Variants in LMBR1 observed in about 807,000 individuals in gnomAD.
LMBR1 encodes the protein limb region 1 protein homolog.
In LMBR1, 52 loss-of-function variants were observed where a neutral mutation model predicts 73.9. The observed-to-expected ratio is 0.70, with a 90% CI of 0.56 to 0.89. LMBR1 has a LOEUF of 0.89. LMBR1 is among the 40% of genes least tolerant of loss of function. LMBR1 has a pLI of 0.00. For missense variants in LMBR1, 539 were observed against 579.8 expected, an observed-to-expected ratio of 0.93 and a Z score of 0.72; for synonymous variants, 215 against 209.4, an observed-to-expected ratio of 1.03 and a Z score of -0.23.
chr7:156,875,664 C>T (rs891918523), intron 1 of LMBR1, among the ~76,000 whole-genome samples: 1 of 152,130 alleles, frequency 6.6e-6, no homozygotes, highest in African/African-American at 2.4e-5. Flanking sequence ...CTATCTTCAG[C>T]CTCCTTAAAC....
chr7:156,729,010 T>A (rs1473521715), intron 10 of LMBR1, among the ~76,000 whole-genome samples: 1 of 151,966 alleles, frequency 6.6e-6, no homozygotes, highest in Non-Finnish European at 1.5e-5. Context: ...TGGCTAATTT[T>A]TTTATTTATT....
chr7:156,829,980 C>T (rs1836385124), intron 3 of LMBR1, among the ~76,000 whole-genome samples: 1 of 152,172 alleles, frequency 6.6e-6, no homozygotes, highest in African/African-American at 2.4e-5. Flanking sequence ...ACTTCTTTAT[C>T]CTCAACTTCT....
chr7:156,871,084 GACTCAAAT>G (rs1156781270), intron 1 of LMBR1, among the ~76,000 whole-genome samples: 3 of 151,842 alleles, frequency 2.0e-5, no homozygotes, highest in African/African-American at 7.3e-5. Context: ...AAAAAGAGAA[GACTCAAAT>G]AAGAAAGGAA....
At chr7:156,825,037 C>T (rs2133804364) in intron 4 of LMBR1, among the ~76,000 whole-genome samples, 1 of 152,232 alleles carries the variant, frequency 6.6e-6, no homozygotes, top group East Asian at 1.9e-4. Flanking sequence ...GATTTGAGAT[C>T]CTAACACGTC....
intron 8 of LMBR1, among the ~76,000 whole-genome samples, chr7:156,758,824 C>A (rs1035575643): frequency 1.3e-5 from 2 of 152,184 alleles, no homozygotes; most frequent in African/African-American, 4.8e-5. Flanking sequence ...TAGACTAATG[C>A]AGTGACAATG....
chr7:156,861,097 T>G (rs1171946198), intron 1 of LMBR1, among the ~76,000 whole-genome samples: 1 of 152,236 alleles, frequency 6.6e-6, no homozygotes, highest in African/African-American at 2.4e-5. Flanking sequence ...CACATTTCCC[T>G]TCTGCACTGC....
chr7:156,676,602 C>G, downstream of LMBR1: 1 of 1,614,202 alleles, frequency 6.2e-7, no homozygotes, highest in South Asian at 1.1e-5. Context: ...GCCTCCTTTC[C>G]ATGCCTGTCC....
intron 5 of LMBR1, among the ~76,000 whole-genome samples, chr7:156,766,328 C>T (rs961951368): frequency 3.9e-5 from 6 of 151,960 alleles, no homozygotes; most frequent in Admixed American, 6.6e-5. Context: ...GCTTGCAGCC[C>T]GATATAAATA....
chr7:156,868,233 G>T (rs1163350878), intron 1 of LMBR1, among the ~76,000 whole-genome samples: 1 of 145,864 alleles, frequency 6.9e-6, no homozygotes, highest in Non-Finnish European at 1.5e-5. Context: ...TCACTCTGTC[G>T]CCCAGGCTGG....
chr7:156,787,102 C>CT (rs1295437738), intron 5 of LMBR1, among the ~76,000 whole-genome samples: 1 of 152,146 alleles, frequency 6.6e-6, no homozygotes, highest in Non-Finnish European at 1.5e-5. Flanking sequence ...CAGTCTTCCT[C>CT]TATCAATGGG....
intron 1 of LMBR1, among the ~76,000 whole-genome samples, chr7:156,855,666 C>CAAAAAAA (rs35231167): frequency 1.5e-4 from 13 of 87,272 alleles, no homozygotes; most frequent in East Asian, 3.3e-4. Flanking sequence ...AACGTAAATA[C>CAAAAAAA]AAAAAAAAAA....
intron 1 of LMBR1, among the ~76,000 whole-genome samples, chr7:156,886,810 G>A (rs559352672): frequency 3.2e-4 from 49 of 152,308 alleles, no homozygotes; most frequent in African/African-American, 1.1e-3. Context: ...TCACAGTTGG[G>A]TATTTTATTG....
At position 156,683,981 on chromosome 7, in the gene LMBR1, G is replaced by A; in HGVS notation, c.*97C>T. 1.0e-6 allele frequency: 1 copy of A among 979,622 alleles called. No individual in the cohort carries two copies. The highest frequency in any genetic ancestry group is 2.4e-5 in the East Asian group (1 of 41,870). The allele number at this position is 979,622 out of a possible 1,614,324, so 60.7% of individuals were successfully genotyped here. ...CTGATAGGTCTAGGTTCTGAAGAGG[G>A]GCCACGGTTGAATGGAAATGCTTCT... is the stretch of plus-strand genomic sequence containing the variant. On this transcript the variant is annotated 3_prime_UTR_variant, in exon 17 of 17. Coordinates refer to ENST00000353442, the MANE Select transcript of LMBR1 (RefSeq NM_022458.4).
intron 4 of LMBR1, chr7:156,822,364 C>A (rs563880735): frequency 6.6e-6 from 1 of 152,284 alleles, no homozygotes; most frequent in East Asian, 1.9e-4. Flanking sequence ...GACTGAGACT[C>A]TGAAAGCGTA....
intron 1 of LMBR1, among the ~76,000 whole-genome samples, chr7:156,880,675 C>A (rs538858912): frequency 6.6e-6 from 1 of 151,708 alleles, no homozygotes; most frequent in African/African-American, 2.4e-5. Context: ...TTTTCTGAGA[C>A]GGAGTCTCAC....
chr7:156,878,057 G>A (rs1800477107), intron 1 of LMBR1, among the ~76,000 whole-genome samples: 1 of 152,076 alleles, frequency 6.6e-6, no homozygotes, highest in African/African-American at 2.4e-5. Flanking sequence ...ATATCTCAAT[G>A]TAATAAAAGC....
At chr7:156,834,720 T>C (rs1395084159) in intron 2 of LMBR1, 2 of 157,096 alleles carry the variant, frequency 1.3e-5, no homozygotes, top group Non-Finnish European at 2.7e-5. Flanking sequence ...ATATTATATA[T>C]AAAGTTTGTT....
chr7:156,763,261 C>G, intron 6 of LMBR1, 85 bp from the exon 7 acceptor site: 2 of 576,122 alleles, frequency 3.5e-6, no homozygotes, highest in South Asian at 2.5e-5. Context: ...AAGATAGAGG[C>G]TGACTGTACC....
chr7:156,725,441 C>A lies in LMBR1; in HGVS notation c.1152G>T (p.Met384Ile). The A allele has an allele frequency of 6.2e-7, 1 of 1,600,030 alleles. No homozygotes were observed. Among genetic ancestry groups the A allele is most frequent in the South Asian group, 1.1e-5 (1 of 89,690 alleles). Reference protein sequence around the residue: ...NFTPKKDDTTMTKIIGNCVSI... With the variant: ...NFTPKKDDTTITKIIGNCVSI... ...ACCTAAGATTCTACCTTACCTTTGT[C>A]ATAGTTGTGTCATCTTTCTTGGGAG... The change falls in exon 14 of 17, where the codon ATG becomes ATT. Residue 384 changes from methionine to isoleucine, a missense_variant. By Grantham distance (10) the Met-to-Ile change is conservative. Coordinates refer to ENST00000353442, the MANE Select transcript of LMBR1 (RefSeq NM_022458.4).
Sources: gnomAD v4.1 joint callset for allele counts (sites outside exome capture counted in the v4.1 genomes callset) on GRCh38, gnomAD v4.1.1 for gene constraint, MANE v1.5 for transcripts, NCBI Gene and HGNC (gene_info 2026-07-23, HGNC 2026-07-21) for gene names.